MYH2: variants seen among roughly 807,000 people sequenced by gnomAD.
MYH2 encodes myosin-2.
MYH2 carries 139 observed loss-of-function variants against 228.1 expected under a neutral mutation model. The ratio of observed to expected loss-of-function variants is 0.61; its 90% CI spans 0.53 to 0.70. The LOEUF (loss-of-function observed/expected upper bound fraction) is 0.70. Ranked by LOEUF, MYH2 falls within the 30% of genes least tolerant of loss-of-function variation. The probability of loss-of-function intolerance (pLI) is 0.00; values close to 1 mark genes in which losing one functional copy is unlikely to be tolerated. For synonymous variants in MYH2, 796 were observed against 871.1 expected (o/e 0.91, Z 1.52); for missense variants, 1,809 against 2,357.5 (o/e 0.77, Z 4.82).
chr17:10,533,654 T>G (rs1027589352), intron 19 of MYH2, 22 bp from the exon 20 acceptor site: 12 of 1,613,102 alleles, frequency 7.4e-6, no homozygotes, highest in Non-Finnish European at 1.0e-5. Flanking sequence ...CATATAGCTT[T>G]TAACAACTAG....
chr17:10,526,684 A>G lies in MYH2; in HGVS notation c.4102T>C (p.Ser1368Pro), dbSNP rs1180091018. ...ESKAELQRAL[S>P]KANTEVAQWR... Reference sequence around the variant, plus strand: ...TGGGCAACCTCGGTGTTGGCCTTGGACAGTGCTCTCTGCAGCTCGGCCTTG... The same window carrying G: ...TGGGCAACCTCGGTGTTGGCCTTGGGCAGTGCTCTCTGCAGCTCGGCCTTG... Residue 1368 changes from serine (S) to proline (P), a missense_variant, in exon 30 of 40, where the codon TCC (serine) becomes CCC (proline). Ser to Pro is a moderately conservative substitution (Grantham distance 74). This residue lies in a region of MYH2 where 636 missense variants were observed against 729.9 expected (regional missense o/e 0.87). Coordinates refer to ENST00000245503, the MANE Select transcript of MYH2 (RefSeq NM_017534.6). 13 of 1,613,918 alleles carry G rather than the reference A, an allele frequency of 8.1e-6. No individual in the cohort carries two copies. Among genetic ancestry groups the G allele is most frequent in the African/African-American group, 1.3e-5 (1 of 74,930 alleles).
chr17:10,532,951 G>A (rs895139026), intron 21 of MYH2, among the ~76,000 whole-genome samples: 2 of 152,160 alleles, frequency 1.3e-5, no homozygotes, highest in Non-Finnish European at 2.9e-5. Context: ...TGTCTGTTTT[G>A]CAGGTCAATG....
chr17:10,527,117 GT>G, intron 28 of MYH2, 61 bp from the exon 29 acceptor site: 2 of 1,482,266 alleles, frequency 1.3e-6, no homozygotes, highest in Non-Finnish European at 9.4e-7. Context: ...GCAAGCCCAT[GT>G]TAGAAAGAAA....
chr17:10,543,130 G>A lies in MYH2; in HGVS notation c.773C>T (p.Thr258Ile), dbSNP rs1597457339. The A allele has an allele frequency of 6.2e-7, 1 of 1,612,254 alleles. No individual in the cohort carries two copies. The change falls in exon 9 of 40, where the codon ACT becomes ATT. Residue 258 changes from threonine (T) to isoleucine (I), a missense_variant. By Grantham distance (89) the Thr-to-Ile change is moderately conservative. Coordinates refer to ENST00000245503, the MANE Select transcript of MYH2 (RefSeq NM_017534.6). The part of the protein sequence containing the change: ...GKFIRIHFGT[T>I]GKLASADIET... Reference sequence around the variant, plus strand: ...AATATCAGCAGATGCCAGTTTTCCAGTAGTGCCAAAGTGGATTCTGATGAA... The same window carrying A: ...AATATCAGCAGATGCCAGTTTTCCAATAGTGCCAAAGTGGATTCTGATGAA...
At chr17:10,543,189 T>C in intron 8 of MYH2, 28 bp from the exon 9 acceptor site, 3 of 1,481,268 alleles carry the variant, frequency 2.0e-6, no homozygotes, top group Non-Finnish European at 2.8e-6. Context: ...TATTACTACC[T>C]TTTTTTTATA....
At chr17:10,526,473 T>C in intron 30 of MYH2, 126 bp downstream of exon 30, 1 of 1,457,332 alleles carries the variant, frequency 6.9e-7, no homozygotes, top group Non-Finnish European at 9.6e-7. Context: ...AGGGCCTGAT[T>C]GTGACTGGCA....
Position 10,525,734 on chromosome 17 carries a change from C to T in MYH2, c.4330G>A (p.Ala1444Thr), listed in dbSNP as rs142908651. The T allele has an allele frequency of 3.0e-5, 49 of 1,614,192 alleles. No homozygotes were observed. The highest frequency in any genetic ancestry group is 4.4e-5 in the South Asian group (4 of 91,084). ...LMLDVERTNAACAALDKKQRN... is the reference protein window; with the variant it reads ...LMLDVERTNATCAALDKKQRN... ...TGCTTTTTGTCAAGGGCGGCACAGG[C>T]GGCATTTGTCCTCTCCACATCAAGC... Residue 1444 changes from alanine (A) to threonine (T), a missense_variant, in exon 31 of 40, where the codon GCC becomes ACC. By Grantham distance (58) the Ala-to-Thr change is moderately conservative (BLOSUM62 0). This residue lies in a region of MYH2 where 636 missense variants were observed against 729.9 expected (regional missense o/e 0.87). Transcript: ENST00000245503. This position sits in a 1 kb window ranked among gnomAD's most constrained non-coding sequence, Gnocchi z 4.2.
Position 10,529,988 on chromosome 17 carries a change from C to T in MYH2, c.2784G>A (p.Val928=), listed in dbSNP as rs914208089. ...CTTCCTCATCCTCAGCTCTCTCAGTCACCTCTTTGATTTTGGCTTCTAGCT... is the reference window on the plus strand; with the variant it reads ...CTTCCTCATCCTCAGCTCTCTCAGTTACCTCTTTGATTTTGGCTTCTAGCT... ...KIQLEAKIKE[V]TERAEDEEEI... Residue 928 remains valine (V), a synonymous_variant, in exon 23 of 40, where the codon GTG becomes GTA. Coordinates refer to ENST00000245503, the MANE Select transcript of MYH2 (RefSeq NM_017534.6). 13 of 1,613,886 alleles carry T rather than the reference C, an allele frequency of 8.1e-6. No homozygotes were observed. The highest frequency in any genetic ancestry group is 1.1e-5 in the Non-Finnish European group (13 of 1,179,880).
rs751585554 is a variant in MYH2 at position 10,543,759 on chromosome 17, C to T, written c.693G>A (p.Glu231=). The T allele has an allele frequency of 6.2e-7, 1 of 1,614,192 alleles. No individual in the cohort carries two copies. Among genetic ancestry groups the T allele is most frequent in the Non-Finnish European group, 8.5e-7 (1 of 1,180,030 alleles). Residue 231 remains glutamate, a synonymous_variant, in exon 8 of 40, where the codon GAG becomes GAA. Transcript: ENST00000245503. The part of the protein sequence containing the change: ...DQIISANPLL[E]AFGNAKTVRN... ...TCACGGTCTTGGCGTTGCCAAAGGC[C>T]TCCAGTAGGGGGTTGGCACTGATGA...
At chr17:10,548,012 G>A (rs989588849) in intron 2 of MYH2, 72 bp from the exon 3 acceptor site, 9 of 1,303,972 alleles carry the variant, frequency 6.9e-6, no homozygotes, top group Non-Finnish European at 9.7e-6. Context: ...AATATTTATT[G>A]TATTTCATAG....
At chr17:10,531,536 T>C in intron 22 of MYH2, 97 bp downstream of exon 22, 1 of 1,533,046 alleles carries the variant, frequency 6.5e-7, no homozygotes, top group South Asian at 1.1e-5. Flanking sequence ...TTCCAATGAG[T>C]GTCTCCCTTG....
chr17:10,542,037 G>A (rs1324476956), intron 10 of MYH2, among the ~76,000 whole-genome samples: 1 of 152,192 alleles, frequency 6.6e-6, no homozygotes, highest in African/African-American at 2.4e-5. Context: ...ACTTTGAGAG[G>A]CCAAGGTGGC....
In MYH2 at chr17:10,547,911, C is replaced by G; in HGVS notation, c.10G>C (p.Asp4His). Residue 4 changes from aspartate (D) to histidine (H), a missense_variant, in exon 3 of 40, where the codon GAC becomes CAC. Physicochemically the swap from Asp to His is moderately conservative, Grantham distance 81 (BLOSUM62 -1). This residue lies in a region of MYH2 where 84 missense variants were observed against 81.8 expected (regional missense o/e 1.03). Transcript: ENST00000245503. Reference sequence around the variant, plus strand: ...TCCCCAAAAACAGCCAATTCTGAGTCTGAACTCATGGCTGCTGAACTCAGA... The same window carrying G: ...TCCCCAAAAACAGCCAATTCTGAGTGTGAACTCATGGCTGCTGAACTCAGA... Reference protein sequence around the residue: MSSDSELAVFGEAA... With the variant: MSSHSELAVFGEAA... 1 of 1,614,176 alleles carries G rather than the reference C, an allele frequency of 6.2e-7. No individual in the cohort carries two copies.
In MYH2 at chr17:10,537,450, C is replaced by A; in HGVS notation, c.1680G>T (p.Leu560=). The stretch of plus-strand genomic sequence containing the variant: ...GCTTCTGGAAGTTGGCAGACTTGCC[C>A]AGGTGCTGGTCATACAGCTTGTTCT... ...SFKNKLYDQH[L]GKSANFQKPK... is the part of the protein sequence containing the mutation. The change falls in exon 16 of 40, where the codon CTG becomes CTT. Residue 560 remains leucine, a synonymous_variant. Transcript: ENST00000245503. This position sits in a 1 kb window ranked among gnomAD's most constrained non-coding sequence, Gnocchi z 4.0. The A allele has an allele frequency of 1.9e-6, 3 of 1,614,178 alleles. No individual in the cohort carries two copies. The highest frequency in any genetic ancestry group is 1.3e-5 in the African/African-American group (1 of 75,040).
At chr17:10,521,991 A>C (rs2073290858) in intron 39 of MYH2, among the ~76,000 whole-genome samples, 1 of 152,208 alleles carries the variant, frequency 6.6e-6, no homozygotes, top group Non-Finnish European at 1.5e-5. Context: ...CAATTCCTTT[A>C]ATAAAGTAAG....
In MYH2 at chr17:10,544,100, G is replaced by C; in HGVS notation, c.533C>G (p.Thr178Ser). Residue 178 changes from threonine (T) to serine (S), a missense_variant and splice_region_variant, in exon 6 of 40, where the codon ACT becomes AGT. Transcript: ENST00000245503. ...TDRENQSILI[T>S]GESGAGKTVN... ...TAAAGAAAGCATAAAATCTACTTAC[G>C]TGATCAGGATTGACTGATTCTCTCG... 1 of 1,614,034 alleles carries C rather than the reference G, an allele frequency of 6.2e-7. No homozygotes were observed. Among genetic ancestry groups the C allele is most frequent in the Non-Finnish European group, 8.5e-7 (1 of 1,179,940 alleles).
chr17:10,529,131 C>T (rs778868814), intron 26 of MYH2, 31 bp downstream of exon 26: 30 of 1,614,072 alleles, frequency 1.9e-5, no homozygotes, highest in Middle Eastern at 1.6e-4. Flanking sequence ...TAACTGCCTC[C>T]GAGCCAGACT....
In MYH2 at chr17:10,540,617, G is replaced by A. The variant is rs770317855; in HGVS notation, c.985C>T (p.Gln329Ter). The A allele has an allele frequency of 5.0e-6, 8 of 1,613,074 alleles. No individual in the cohort carries two copies. The South Asian group carries it at 8.8e-5, about 18-fold the overall frequency. Residue 329 changes from glutamine to a stop codon, truncating the protein, a stop_gained, in exon 11 of 40, where the codon CAG (glutamine) becomes TAG (stop). Coordinates refer to ENST00000245503, the MANE Select transcript of MYH2 (RefSeq NM_017534.6). LOFTEE classifies it high-confidence loss of function. ...GEISVASIDDQEELMATDSAI... is the reference protein window; with the variant it reads ...GEISVASIDD ...ACATCTGTGGCCATCAGTTCTTCCT[G>A]ATCATCGATGCTGGCCACACTGATC...
chr17:10,534,847 G>T (rs1436538614), intron 19 of MYH2, among the ~76,000 whole-genome samples: 1 of 152,192 alleles, frequency 6.6e-6, no homozygotes, highest in Admixed American at 6.5e-5. Flanking sequence ...AACCCAGGAG[G>T]CAGAGGTTGC....
Sources: gnomAD v4.1 joint callset for allele counts (sites outside exome capture counted in the v4.1 genomes callset) on GRCh38, gnomAD v4.1.1 for gene constraint, gnomAD v4.1.1 regional missense constraint, Gnocchi (gnomAD v3.1) non-coding constraint, MANE v1.5 for transcripts, NCBI Gene and HGNC (gene_info 2026-07-23, HGNC 2026-07-21) for gene names.